Variants in KCNQ1 observed in about 807,000 individuals in gnomAD.
The protein encoded by KCNQ1 is potassium voltage-gated channel subfamily KQT member 1.
In KCNQ1, 49 loss-of-function variants were observed where a neutral mutation model predicts 72.4. The ratio of observed to expected loss-of-function variants is 0.68; its 90% CI spans 0.54 to 0.86. The LOEUF is 0.86. Ranked by LOEUF, KCNQ1 falls within the 40% of genes least tolerant of loss-of-function variation. KCNQ1 has a pLI of 0.00. For missense variants in KCNQ1, 790 were observed against 945.1 expected, an observed-to-expected ratio of 0.84 and a Z score of 2.15; for synonymous variants, 450 against 412.6, an observed-to-expected ratio of 1.09 and a Z score of -1.10.
intron 8 of KCNQ1, among the ~76,000 whole-genome samples, chr11:2,587,244 G>A (rs544967364): frequency 6.6e-6 from 1 of 152,362 alleles, no homozygotes; most frequent in South Asian, 2.1e-4. Context: ...TGGGGATGAT[G>A]TGCGACCTGC....
chr11:2,545,518 A>G (rs1379653981), intron 2 of KCNQ1, among the ~76,000 whole-genome samples: 1 of 152,186 alleles, frequency 6.6e-6, no homozygotes, highest in Non-Finnish European at 1.5e-5. Flanking sequence ...TATTCAGGTA[A>G]TTGATAATAG....
intron 1 of KCNQ1, among the ~76,000 whole-genome samples, chr11:2,512,254 G>A (rs992738038): frequency 5.3e-5 from 8 of 152,170 alleles, no homozygotes; most frequent in African/African-American, 1.7e-4. Context: ...AGGGCCCTAC[G>A]GGTGCTGGAG....
chr11:2,559,499 C>T lies in KCNQ1; in HGVS notation c.478-11129C>T, dbSNP rs765854502. Among the ~76,000 whole-genome samples the T allele has an allele frequency of 2.0e-5, 3 of 152,188 alleles. No homozygotes were observed. The highest frequency in any genetic ancestry group is 4.4e-5 in the Non-Finnish European group (3 of 68,030). On this transcript the variant is annotated intron_variant, in intron 2 of 15. Coordinates refer to ENST00000155840, the MANE Select transcript of KCNQ1 (RefSeq NM_000218.3). The surrounding 1 kb of genome is among the most constrained non-coding windows in gnomAD (Gnocchi z 4.9). ...CCACAGGGGACACTGGGCCTCATGC[C>T]GCCTGTCAGGATGGTGTCCGGGATG...
rs915376524 is a variant in KCNQ1 at position 2,824,974 on chromosome 11, G to A, written c.1795-22793G>A. Among the ~76,000 whole-genome samples the A allele has an allele frequency of 8.5e-5, 13 of 152,232 alleles. No homozygotes were observed. The highest frequency in any genetic ancestry group is 1.6e-4 in the Non-Finnish European group (11 of 68,044). The stretch of plus-strand genomic sequence containing the variant: ...CAGGGGCGTTTGGACAGGGGAGGCC[G>A]GGTGTGGATGGAAGCTGTACGATGG... On this transcript the variant is annotated intron_variant, in intron 15 of 15. Transcript: ENST00000155840. The surrounding 1 kb of genome is among the most constrained non-coding windows in gnomAD (Gnocchi z 5.9).
Position 2,463,575 on chromosome 11 carries a change from C to T in KCNQ1, c.386+18091C>T, listed in dbSNP as rs555611106. On this transcript the variant is annotated intron_variant, in intron 1 of 15. Transcript: ENST00000155840. The surrounding 1 kb of genome is among the most constrained non-coding windows in gnomAD (Gnocchi z 7.0). ...TGCCTGCCACCTCAAAGTCACGCTG[C>T]CCTGGGCACCCTGCCTCTTCCGGGG... Among the ~76,000 whole-genome samples the T allele has an allele frequency of 2.0e-5, 3 of 152,242 alleles. No individual in the cohort carries two copies. In the South Asian group the frequency reaches 6.2e-4, roughly 32 times the overall value.
intron 11 of KCNQ1, chr11:2,672,370 CTGA>C: frequency 2.5e-6 from 1 of 397,288 alleles, no homozygotes. Context: ...CCTTCACAGG[CTGA>C]TATGATTGAG....
At chr11:2,780,091 G>C (rs1364403316) in intron 15 of KCNQ1, among the ~76,000 whole-genome samples, 1 of 152,190 alleles carries the variant, frequency 6.6e-6, no homozygotes, top group East Asian at 1.9e-4. Flanking sequence ...CTCTGAGGTG[G>C]TGAGTGGCAC....
At chr11:2,796,140 C>G (rs757222171) in intron 15 of KCNQ1, among the ~76,000 whole-genome samples, 8 of 152,264 alleles carry the variant, frequency 5.3e-5, no homozygotes, top group Non-Finnish European at 1.0e-4. Context: ...TGCACTTCCT[C>G]CCGGCATGCA....
rs956591515 is a variant in KCNQ1 at position 2,849,096 on chromosome 11, G to A, written c.*1093G>A. 2 of 453,206 alleles carry A rather than the reference G, an allele frequency of 4.4e-6. No homozygotes were observed. Among genetic ancestry groups the A allele is most frequent in the African/African-American group, 2.0e-5 (1 of 49,940 alleles). 28.1% of individuals were successfully genotyped at this position (453,206 alleles called of 1,614,324 possible). ...CTGGAAGCAGTGCCCAGGTGGCTGT[G>A]GAATAGGAACGCTATGTCCGTGTAC... is the stretch of plus-strand genomic sequence containing the variant. On this transcript the variant is annotated 3_prime_UTR_variant, in exon 16 of 16. Coordinates refer to ENST00000155840, the MANE Select transcript of KCNQ1 (RefSeq NM_000218.3).
At chr11:2,822,456 T>G (rs1426592516) in intron 15 of KCNQ1, among the ~76,000 whole-genome samples, 1 of 152,196 alleles carries the variant, frequency 6.6e-6, no homozygotes, top group African/African-American at 2.4e-5. Flanking sequence ...TATGGCAGAA[T>G]GCAAGTGTTT....
intron 15 of KCNQ1, among the ~76,000 whole-genome samples, chr11:2,825,806 G>C (rs1317263069): frequency 6.6e-6 from 1 of 152,202 alleles, no homozygotes; most frequent in Non-Finnish European, 1.5e-5. Flanking sequence ...GACCAGCGCG[G>C]CCTCCACGCC....
chr11:2,667,581 CG>C, intron 11 of KCNQ1: 1 of 20,662 alleles, frequency 4.8e-5, no homozygotes, highest in South Asian at 1.7e-3. Flanking sequence ...GGCAGGGGGT[CG>C]GGGCGGGGTT....
intron 11 of KCNQ1, among the ~76,000 whole-genome samples, chr11:2,733,816 T>TCC (rs1564875320): frequency 5.5e-5 from 1 of 18,078 alleles, no homozygotes; most frequent in Non-Finnish European, 1.3e-4. Context: ...ACACACACAC[T>TCC]CTCTCACTCT....
At chr11:2,811,501 C>T (rs187922513) in intron 15 of KCNQ1, among the ~76,000 whole-genome samples, 3 of 152,340 alleles carry the variant, frequency 2.0e-5, no homozygotes, top group African/African-American at 4.8e-5. Flanking sequence ...GGTTCACTGC[C>T]CTAAAGGCCG....
chr11:2,750,900 A>G lies in KCNQ1; in HGVS notation c.1515-17944A>G, dbSNP rs943243490. ...GTCCTCATAATCTCCCCAGGATTTA[A>G]ACGGGGTCCTCCCCAGCTGCCTGCC... On this transcript the variant is annotated intron_variant, in intron 11 of 15. Coordinates refer to ENST00000155840, the MANE Select transcript of KCNQ1 (RefSeq NM_000218.3). The surrounding 1 kb of genome is among the most constrained non-coding windows in gnomAD (Gnocchi z 6.3). Among the ~76,000 whole-genome samples the G allele has an allele frequency of 3.3e-5, 5 of 152,206 alleles. No individual in the cohort carries two copies. Among genetic ancestry groups the G allele is most frequent in the Admixed American group, 2.0e-4 (3 of 15,282 alleles).
intron 15 of KCNQ1, among the ~76,000 whole-genome samples, chr11:2,834,678 G>A (rs1848025721): frequency 6.6e-6 from 1 of 152,216 alleles, no homozygotes; most frequent in African/African-American, 2.4e-5. Context: ...GGCCCCGCCA[G>A]GTGAAGGAAC....
At chr11:2,811,286 T>G (rs1847480364) in intron 15 of KCNQ1, among the ~76,000 whole-genome samples, 1 of 152,210 alleles carries the variant, frequency 6.6e-6, no homozygotes, top group Non-Finnish European at 1.5e-5. Context: ...AGATTTCCCT[T>G]ATCGCAACTG....
At chr11:2,554,330 T>C (rs920532228) in intron 2 of KCNQ1, among the ~76,000 whole-genome samples, 14 of 152,248 alleles carry the variant, frequency 9.2e-5, no homozygotes, top group Admixed American at 5.2e-4. Context: ...TACAGGGCTA[T>C]GCAGGTTGTC....
In KCNQ1 at chr11:2,694,902, C is replaced by G. The variant is rs115305496; in HGVS notation, c.1514+32821C>G. 8.1e-3 allele frequency: 3,209 copies of G among 398,542 alleles called. 92 individuals carry two copies. The highest frequency in any genetic ancestry group is 0.06 in the African/African-American group (2,908 of 48,664). The allele number at this position is 398,542 out of a possible 1,614,324, so 24.7% of individuals were successfully genotyped here. A position where few individuals can be genotyped will look rare whatever the true frequency, so the allele number is the denominator to read the frequency against. ...GAAGGAATTGTCAAGGGAAGATCAC[C>G]AGAAAAGACAAGCCAGGCAGAGGTG... On this transcript the variant is annotated intron_variant, in intron 11 of 15. Coordinates refer to ENST00000155840, the MANE Select transcript of KCNQ1 (RefSeq NM_000218.3).
Sources: allele counts gnomAD v4.1 joint callset (sites outside exome capture counted in the v4.1 genomes callset), GRCh38; gene constraint gnomAD v4.1.1; non-coding constraint Gnocchi (gnomAD v3.1); transcripts MANE v1.5; gene names NCBI Gene and HGNC (gene_info 2026-07-23, HGNC 2026-07-21).